MAPK14: variants seen among roughly 807,000 people sequenced by gnomAD.
MAPK14 encodes the protein mitogen-activated protein kinase 14, also known as CSAID-binding protein.
A neutral mutation model predicts 49.6 loss-of-function variants in MAPK14; 16 were observed. The observed-to-expected ratio is 0.32, with a 90% CI of 0.22 to 0.49. The LOEUF is 0.49. Ranked by LOEUF, MAPK14 falls within the 20% of genes least tolerant of loss-of-function variation. The pLI, the probability that MAPK14 is intolerant of heterozygous loss-of-function variation, is 0.99. For synonymous variants in MAPK14, 142 were observed against 158.0 expected (o/e 0.90, Z 0.76); for missense variants, 200 against 441.2 (o/e 0.45, Z 4.90).
intron 2 of MAPK14, among the ~76,000 whole-genome samples, chr6:36,053,792 C>T (rs1416791532): frequency 3.3e-5 from 5 of 152,062 alleles, no homozygotes; most frequent in Non-Finnish European, 5.9e-5. Flanking sequence ...TCTTCATTAG[C>T]GTACATTTGT....
chr6:36,080,370 C>T (rs1764707191), intron 8 of MAPK14, among the ~76,000 whole-genome samples: 1 of 152,118 alleles, frequency 6.6e-6, no homozygotes, highest in Admixed American at 6.5e-5. Context: ...ACAGTAACTT[C>T]CCATTCTCCC....
chr6:36,059,179 T>C (rs1472567268), intron 2 of MAPK14, 110 bp from the exon 3 acceptor site: 2 of 658,202 alleles, frequency 3.0e-6, no homozygotes, highest in East Asian at 3.0e-5. Flanking sequence ...CGTGAGCCAC[T>C]GCTCCCGGCC....
chr6:36,059,213 A>G (rs1336815541), intron 2 of MAPK14, 76 bp from the exon 3 acceptor site: 5 of 931,158 alleles, frequency 5.4e-6, no homozygotes, highest in African/African-American at 5.1e-5. Context: ...TTTAAAAAAA[A>G]AGAAGATTAA....
intron 2 of MAPK14, among the ~76,000 whole-genome samples, chr6:36,058,865 A>G (rs944671766): frequency 6.7e-6 from 1 of 149,192 alleles, no homozygotes; most frequent in African/African-American, 2.5e-5. Context: ...TTGTGTGTCA[A>G]GAGTGAGATC....
chr6:36,095,128 A>G (rs1765394135), intron 8 of MAPK14, among the ~76,000 whole-genome samples: 2 of 152,240 alleles, frequency 1.3e-5, no homozygotes, highest in African/African-American at 4.8e-5. Flanking sequence ...AAAAGCAATG[A>G]GAACAAACAA....
chr6:36,054,964 G>A (rs1205989888), intron 2 of MAPK14, among the ~76,000 whole-genome samples: 1 of 152,196 alleles, frequency 6.6e-6, no homozygotes, highest in Non-Finnish European at 1.5e-5. Flanking sequence ...ACACAAAAAT[G>A]CCTCTGACCC....
chr6:36,089,339 A>G (rs111361442), intron 8 of MAPK14, among the ~76,000 whole-genome samples: 3,064 of 152,248 alleles, frequency 0.02, 105 homozygotes, highest in African/African-American at 0.064. Context: ...ATGAGAACAC[A>G]TGGACACATG....
intron 8 of MAPK14, among the ~76,000 whole-genome samples, chr6:36,079,961 T>C (rs1406101584): frequency 6.6e-6 from 1 of 152,146 alleles, no homozygotes; most frequent in African/African-American, 2.4e-5. Context: ...CCTTTTTTTT[T>C]TTGAGACAGT....
At chr6:36,050,708 G>A (rs115011316) in intron 1 of MAPK14, among the ~76,000 whole-genome samples, 2,109 of 152,246 alleles carry the variant, frequency 0.014, 60 homozygotes, top group African/African-American at 0.048. Flanking sequence ...TAGAACAAAC[G>A]GAAAGTAATG....
At chr6:36,122,676 G>C in the MAPK14 span, among the ~76,000 whole-genome samples, 1 of 152,200 alleles carries the variant, frequency 6.6e-6, no homozygotes, top group Non-Finnish European at 1.5e-5. Flanking sequence ...AATGAGGTCA[G>C]GGGGACCTCG....
intron 10 of MAPK14, among the ~76,000 whole-genome samples, chr6:36,104,984 C>T (rs985720326): frequency 2.6e-5 from 4 of 152,170 alleles, no homozygotes; most frequent in Non-Finnish European, 4.4e-5. Flanking sequence ...CAGCACTGTA[C>T]TTCTCAGCAT....
chr6:36,045,220 G>C (rs1363356530), intron 1 of MAPK14, among the ~76,000 whole-genome samples: 1 of 151,888 alleles, frequency 6.6e-6, no homozygotes, highest in African/African-American at 2.4e-5. Context: ...ACAGCAATCT[G>C]TACTGATGGA....
chr6:36,096,959 G>A (rs1328842887), intron 9 of MAPK14: 1 of 152,222 alleles, frequency 6.6e-6, no homozygotes, highest in East Asian at 1.9e-4. Flanking sequence ...GAAAAAAAGA[G>A]CTATGGAGCC....
chr6:36,101,446 T>A (rs1045497865), intron 9 of MAPK14, among the ~76,000 whole-genome samples: 17 of 151,696 alleles, frequency 1.1e-4, no homozygotes, highest in African/African-American at 3.9e-4. Context: ...TCTAAAAAAA[T>A]TTTTTTAATA....
At chr6:36,086,647 A>G (rs571829150) in intron 8 of MAPK14, among the ~76,000 whole-genome samples, 2 of 152,318 alleles carry the variant, frequency 1.3e-5, no homozygotes, top group South Asian at 2.1e-4. Flanking sequence ...TTGAGGCAGT[A>G]ATAAATAGCC....
chr6:36,117,306 G>A, the MAPK14 span, among the ~76,000 whole-genome samples: 2 of 152,202 alleles, frequency 1.3e-5, no homozygotes, highest in Non-Finnish European at 2.9e-5. Flanking sequence ...CTTCCCTCTG[G>A]CTCTCTATAG....
Position 36,107,913 on chromosome 6 carries a change from C to T in MAPK14, c.1015+285C>T, listed in dbSNP as rs755054842. Among the ~76,000 whole-genome samples the T allele has an allele frequency of 1.5e-4, 23 of 152,172 alleles. No individual in the cohort carries two copies. Among genetic ancestry groups the T allele is most frequent in the Non-Finnish European group, 1.8e-4 (12 of 68,032 alleles). ...TTTACAACATCTCTCTGAGCTTTTA[C>T]AGTTTTACAATTAGTAGAACTGGGG... On this transcript the variant is annotated intron_variant, in intron 11 of 11. Coordinates refer to ENST00000229794, the MANE Select transcript of MAPK14 (RefSeq NM_139012.3). The surrounding 1 kb of genome is among the most constrained non-coding windows in gnomAD (Gnocchi z 4.3).
intron 8 of MAPK14, among the ~76,000 whole-genome samples, chr6:36,090,776 T>C (rs1166959218): frequency 6.6e-6 from 1 of 152,204 alleles, no homozygotes; most frequent in Non-Finnish European, 1.5e-5. Context: ...AGTTTCACTT[T>C]AGACACCAAA....
At chr6:36,072,730 A>G (rs539757886) in intron 3 of MAPK14, 143 bp from the exon 4 acceptor site, 1 of 520,664 alleles carries the variant, frequency 1.9e-6, no homozygotes, top group Non-Finnish European at 3.4e-6. Context: ...GCGCCACTGC[A>G]CTCCAGCCTG....
Sources: allele counts gnomAD v4.1 joint callset (sites outside exome capture counted in the v4.1 genomes callset), GRCh38; gene constraint gnomAD v4.1.1; non-coding constraint Gnocchi (gnomAD v3.1); transcripts MANE v1.5; gene names NCBI Gene and HGNC (gene_info 2026-07-23, HGNC 2026-07-21).